XPNPEP1: variants seen among roughly 807,000 people sequenced by gnomAD.
XPNPEP1 encodes xaa-Pro aminopeptidase 1.
In XPNPEP1, 39 loss-of-function variants were observed where a neutral mutation model predicts 92.4. That is an observed-to-expected ratio of 0.42 (90% CI 0.33 to 0.55). The LOEUF is 0.55. Ranked by LOEUF, XPNPEP1 falls within the 20% of genes least tolerant of loss-of-function variation. The probability of loss-of-function intolerance (pLI) is 0.08; values close to 1 mark genes in which losing one functional copy is unlikely to be tolerated. For synonymous variants in XPNPEP1, 307 were observed against 299.4 expected (o/e 1.03, Z -0.26); for missense variants, 654 against 856.1 (o/e 0.76, Z 2.95).
At chr10:109,910,168 C>G (rs1055259868) in intron 2 of XPNPEP1, among the ~76,000 whole-genome samples, 1 of 152,186 alleles carries the variant, frequency 6.6e-6, no homozygotes, top group Non-Finnish European at 1.5e-5. Context: ...TCTACTGTCT[C>G]CATAGTTTTG....
At chr10:109,882,382 A>G in intron 10 of XPNPEP1, 50 bp downstream of exon 10, 1 of 1,586,324 alleles carries the variant, frequency 6.3e-7, no homozygotes. Flanking sequence ...CAATACCAGA[A>G]CTGGGAAGGG....
rs375892423 is a variant in XPNPEP1, at chr10:109,919,469, T to C, written c.32+3933A>G. On this transcript the variant is annotated intron_variant, in intron 1 of 20. Coordinates refer to ENST00000502935, the MANE Select transcript of XPNPEP1 (RefSeq NM_020383.4). ...ACTAGGAAGGTTATAATAAAAAAGA[T>C]TGACAGTAACAAGTGCGGGTGAGGG... is the stretch of plus-strand genomic sequence containing the variant. Among the ~76,000 whole-genome samples, 152 of 152,216 alleles carry C rather than the reference T, an allele frequency of 1.0e-3. 1 individual carries two copies. The highest frequency in any genetic ancestry group is 3.1e-3 in the African/African-American group (127 of 41,536).
At chr10:109,888,732 T>TA (rs1358937618) in intron 5 of XPNPEP1, 137 bp from the exon 6 acceptor site, 1 of 592,856 alleles carries the variant, frequency 1.7e-6, no homozygotes, top group African/African-American at 1.9e-5. Context: ...TGACAGGACT[T>TA]AGAAAATCTG....
At chr10:109,923,372 G>A (rs904302591) in intron 1 of XPNPEP1, 30 bp downstream of exon 1, 166 of 1,428,416 alleles carry the variant, frequency 1.2e-4, no homozygotes, top group Non-Finnish European at 1.4e-4. Flanking sequence ...CACGCTGCCC[G>A]GACGCCGGCT....
At chr10:109,912,871 C>T (rs1413170675) in intron 2 of XPNPEP1, among the ~76,000 whole-genome samples, 2 of 152,200 alleles carry the variant, frequency 1.3e-5, no homozygotes, top group African/African-American at 2.4e-5. Context: ...TCAAAGATGG[C>T]TAAATCAAAT....
intron 8 of XPNPEP1, chr10:109,884,419 G>C (rs1211744106): frequency 7.8e-6 from 3 of 386,778 alleles, no homozygotes; most frequent in Admixed American, 9.0e-5. Context: ...GAAATCCTGA[G>C]AACTGCCCCC....
chr10:109,903,891 C>T (rs1190143825), intron 3 of XPNPEP1, among the ~76,000 whole-genome samples: 1 of 149,434 alleles, frequency 6.7e-6, no homozygotes, highest in Non-Finnish European at 1.5e-5. Context: ...GTTGCCTAGG[C>T]TGGAGTGCAG....
At chr10:109,884,850 C>T (rs1396304612) in intron 8 of XPNPEP1, among the ~76,000 whole-genome samples, 3 of 152,180 alleles carry the variant, frequency 2.0e-5, no homozygotes, top group South Asian at 2.1e-4. Flanking sequence ...TTCCAGCTTC[C>T]GTCACTTGTT....
rs12260557 is a variant in XPNPEP1 at position 109,917,977 on chromosome 10, G to T, written c.33-2878C>A. ...AAAATACAAAAATTAGTCAGGCATG[G>T]TGGTGTGCACCTGTAGTCTCAGCTA... On this transcript the variant is annotated intron_variant, in intron 1 of 20. Transcript: ENST00000502935. Among the ~76,000 whole-genome samples, 1,274 of 152,248 alleles carry T rather than the reference G, an allele frequency of 8.4e-3. 24 individuals carry two copies. Among genetic ancestry groups the T allele is most frequent in the African/African-American group, 0.029 (1,194 of 41,548 alleles).
At chr10:109,923,148 C>A (rs1010000955) in intron 1 of XPNPEP1, 3 of 984,242 alleles carry the variant, frequency 3.0e-6, no homozygotes, top group Non-Finnish European at 2.4e-6. Context: ...GTTCCGCGGG[C>A]ATACGCGTCC....
chr10:109,888,413 T>C lies in XPNPEP1; in HGVS notation c.508+90A>G, dbSNP rs546300952. 1,846 of 1,356,438 alleles carry C rather than the reference T, an allele frequency of 1.4e-3. 4 individuals carry two copies. The highest frequency in any genetic ancestry group is 1.7e-3 in the Non-Finnish European group (1,720 of 992,444). The allele number at this position is 1,356,438 out of a possible 1,614,324, so 84.0% of individuals were successfully genotyped here. Reference sequence around the variant, plus strand: ...AAATCAGTCATGCTGAGCCCCCCAGTGCTCCACACCCCACAAGCAAATGAG... The same window carrying C: ...AAATCAGTCATGCTGAGCCCCCCAGCGCTCCACACCCCACAAGCAAATGAG... On this transcript the variant is annotated intron_variant, in intron 6 of 20. Transcript: ENST00000502935.
intron 9 of XPNPEP1, 63 bp from the exon 10 acceptor site, chr10:109,882,705 C>A: frequency 6.5e-7 from 1 of 1,549,896 alleles, no homozygotes; most frequent in Non-Finnish European, 8.9e-7. Context: ...GGTGGCAACA[C>A]AGACACACAT....
rs78300633 is a variant in XPNPEP1, at chr10:109,893,359, T to G, written c.247-284A>C. ...CAGATAAAAACTGCTCTTTCTTCAC[T>G]GAGATCTTACTCAAAAATCAAACCA... On this transcript the variant is annotated intron_variant, in intron 3 of 20. Coordinates refer to ENST00000502935, the MANE Select transcript of XPNPEP1 (RefSeq NM_020383.4). The G allele has an allele frequency of 8.3e-3, 2,529 of 305,300 alleles. 51 individuals carry two copies. The highest frequency in any genetic ancestry group is 0.05 in the African/African-American group (2,352 of 46,740). The allele number at this position is 305,300 out of a possible 1,614,324, so 18.9% of individuals were successfully genotyped here.
intron 3 of XPNPEP1, chr10:109,893,474 C>T (rs1333277188): frequency 1.8e-5 from 3 of 165,930 alleles, no homozygotes; most frequent in African/African-American, 4.8e-5. Context: ...TAAGCACCAA[C>T]AATTCCCTAA....
intron 14 of XPNPEP1, 63 bp downstream of exon 14, chr10:109,877,727 C>A: frequency 6.3e-7 from 1 of 1,595,728 alleles, no homozygotes; most frequent in Non-Finnish European, 8.6e-7. Flanking sequence ...AATGTCTCTC[C>A]CCTGCTCAGG....
rs1472175067 is a variant in XPNPEP1 at position 109,873,430 on chromosome 10, T to C, written c.1392-3A>G. The C allele has an allele frequency of 6.2e-7, 1 of 1,613,932 alleles. No individual in the cohort carries two copies. The highest frequency in any genetic ancestry group is 8.5e-7 in the Non-Finnish European group (1 of 1,179,986). On this transcript the variant is annotated splice_polypyrimidine_tract_variant and splice_region_variant and intron_variant, in intron 15 of 20. Coordinates refer to ENST00000502935, the MANE Select transcript of XPNPEP1 (RefSeq NM_020383.4). ...GCGTCACATCTGTGGTGCCATCCCT[T>C]TCCAAAAAAAGGACAAATTGGTTTC...
chr10:109,884,338 C>T, intron 8 of XPNPEP1, 190 bp from the exon 9 acceptor site: 1 of 578,426 alleles, frequency 1.7e-6, no homozygotes, highest in Non-Finnish European at 3.1e-6. Context: ...ATGTCCACCA[C>T]GTGATGGCAC....
intron 14 of XPNPEP1, chr10:109,877,534 A>G: frequency 2.0e-5 from 10 of 509,158 alleles, no homozygotes; most frequent in Non-Finnish European, 3.5e-6. Flanking sequence ...TTCAAAAAGG[A>G]AAGAGGGACA....
At chr10:109,922,809 AT>A (rs1850620995) in intron 1 of XPNPEP1, among the ~76,000 whole-genome samples, 2 of 152,200 alleles carry the variant, frequency 1.3e-5, no homozygotes, top group Non-Finnish European at 2.9e-5. Context: ...TCACCCTCCT[AT>A]GCCCAAGGAG....
Sources: allele counts gnomAD v4.1 joint callset (sites outside exome capture counted in the v4.1 genomes callset), GRCh38; gene constraint gnomAD v4.1.1; transcripts MANE v1.5; gene names NCBI Gene and HGNC (gene_info 2026-07-23, HGNC 2026-07-21).